Variants in MAGI2 observed in about 807,000 individuals in gnomAD.
MAGI2 encodes membrane associated guanylate kinase, WW and PDZ domain containing 2.
In MAGI2, 35 loss-of-function variants were observed where a neutral mutation model predicts 133.3. That is an observed-to-expected ratio of 0.26 (90% CI 0.20 to 0.35). The LOEUF is 0.35. Ranked by LOEUF, MAGI2 falls within the 10% of genes least tolerant of loss-of-function variation. The pLI is 1.00. For missense variants in MAGI2, 1,636 were observed against 1,863.4 expected (o/e 0.88, Z 2.25); for synonymous variants, 729 against 710.6 (o/e 1.03, Z -0.41).
chr7:79,041,717 A>T (rs995387758), intron 1 of MAGI2, among the ~76,000 whole-genome samples: 1 of 152,290 alleles, frequency 6.6e-6, no homozygotes, highest in Admixed American at 6.5e-5. Context: ...CATAATTTCA[A>T]ATGTTTCTGA....
chr7:78,943,660 A>T (rs565375971), intron 2 of MAGI2, among the ~76,000 whole-genome samples: 1 of 152,254 alleles, frequency 6.6e-6, no homozygotes, highest in Admixed American at 6.5e-5. Context: ...GACAATGTTG[A>T]GTGGAGAAAA....
chr7:79,349,703 T>C (rs1841566109), intron 1 of MAGI2, among the ~76,000 whole-genome samples: 1 of 152,062 alleles, frequency 6.6e-6, no homozygotes, highest in Admixed American at 6.6e-5. Context: ...TGCCACATCC[T>C]ACTGACCCTT....
At chr7:78,394,880 A>G (rs56242268) in intron 6 of MAGI2, among the ~76,000 whole-genome samples, 33,572 of 152,140 alleles carry the variant, frequency 0.22, 4,117 homozygotes, top group East Asian at 0.44. Context: ...TATAAAACCT[A>G]CAAGATTTCC....
intron 3 of MAGI2, among the ~76,000 whole-genome samples, chr7:78,594,624 A>G (rs922262271): frequency 7.2e-5 from 11 of 151,906 alleles, no homozygotes; most frequent in African/African-American, 2.4e-4. Flanking sequence ...TGCCCAGCTA[A>G]TTTTTGTATT....
intron 3 of MAGI2, among the ~76,000 whole-genome samples, chr7:78,624,810 T>C (rs1808160340): frequency 6.6e-6 from 1 of 152,174 alleles, no homozygotes; most frequent in African/African-American, 2.4e-5. Context: ...TACGGTTATG[T>C]ATAGCGTGTA....
intron 20 of MAGI2, among the ~76,000 whole-genome samples, chr7:78,125,465 A>T (rs1324402264): frequency 2.0e-5 from 3 of 152,234 alleles, no homozygotes; most frequent in Admixed American, 1.3e-4. Context: ...TTAGAAAAAT[A>T]GTACTTTACT....
At position 79,334,724 on chromosome 7, in the gene MAGI2, G is replaced by C. The variant is rs73704154; in HGVS notation, c.301+118296C>G. ...AGCTTAGTTGACAATTTAAATACAGGAAATATAAAAATGAAAACTACGTGA... is the reference window on the plus strand; with the variant it reads ...AGCTTAGTTGACAATTTAAATACAGCAAATATAAAAATGAAAACTACGTGA... On this transcript the variant is annotated intron_variant, in intron 1 of 21. Coordinates refer to ENST00000354212, the MANE Select transcript of MAGI2 (RefSeq NM_012301.4). 3.9e-3 allele frequency among the ~76,000 whole-genome samples: 588 copies of C among 152,146 alleles called. 5 individuals are homozygous for C. Among genetic ancestry groups the C allele is most frequent in the African/African-American group, 0.014 (574 of 41,532 alleles).
chr7:78,665,218 G>A (rs1432971734), intron 2 of MAGI2, among the ~76,000 whole-genome samples: 2 of 151,998 alleles, frequency 1.3e-5, no homozygotes, highest in African/African-American at 4.8e-5. Context: ...TTCTTGATAC[G>A]TGGTATCAAA....
intron 1 of MAGI2, among the ~76,000 whole-genome samples, chr7:79,078,988 T>C (rs1815793362): frequency 6.6e-6 from 1 of 152,152 alleles, no homozygotes; most frequent in Admixed American, 6.6e-5. Flanking sequence ...CATAGATAAA[T>C]ACATTTTTAA....
intron 6 of MAGI2, among the ~76,000 whole-genome samples, chr7:78,454,982 A>T (rs1396423967): frequency 6.6e-6 from 1 of 152,176 alleles, no homozygotes; most frequent in Non-Finnish European, 1.5e-5. Context: ...ATACTTTAAT[A>T]TTGGAAACAC....
intron 2 of MAGI2, among the ~76,000 whole-genome samples, chr7:78,841,393 T>C (rs1792130415): frequency 6.6e-6 from 1 of 152,032 alleles, no homozygotes; most frequent in African/African-American, 2.4e-5. Flanking sequence ...GCAACACTGC[T>C]TTCTTGGTTT....
chr7:78,149,072 G>A (rs1055896412), intron 16 of MAGI2, among the ~76,000 whole-genome samples: 1 of 152,106 alleles, frequency 6.6e-6, no homozygotes, highest in African/African-American at 2.4e-5. Context: ...CAACATGGTA[G>A]CTACAAGCAT....
At chr7:79,385,067 C>A (rs1281008948) in intron 1 of MAGI2, among the ~76,000 whole-genome samples, 1 of 151,668 alleles carries the variant, frequency 6.6e-6, no homozygotes, top group Admixed American at 6.6e-5. Flanking sequence ...CCATTATTTT[C>A]TTTAAAGTCT....
At position 79,259,472 on chromosome 7, in the gene MAGI2, A is replaced by C. The variant is rs140083827; in HGVS notation, c.301+193548T>G. ...TTGAGGAGGCATACCTATTATAATT[A>C]ATAATGAAGGCTTTTTGAGCCAAAG... On this transcript the variant is annotated intron_variant, in intron 1 of 21. Coordinates refer to ENST00000354212, the MANE Select transcript of MAGI2 (RefSeq NM_012301.4). Among the ~76,000 whole-genome samples the C allele has an allele frequency of 2.2e-3, 335 of 152,340 alleles. 2 individuals are homozygous for C. The highest frequency in any genetic ancestry group is 7.3e-3 in the African/African-American group (302 of 41,584).
intron 1 of MAGI2, among the ~76,000 whole-genome samples, chr7:79,286,989 A>G (rs1370623643): frequency 6.6e-6 from 1 of 152,042 alleles, no homozygotes; most frequent in Non-Finnish European, 1.5e-5. Flanking sequence ...CTATCTTGAG[A>G]TTACCCAGGA....
At chr7:78,575,144 TAAAC>T (rs77628450) in intron 3 of MAGI2, among the ~76,000 whole-genome samples, 46,776 of 151,536 alleles carry the variant, frequency 0.31, 8,753 homozygotes, top group Non-Finnish European at 0.42. Context: ...CTAAGGATAT[TAAAC>T]AAACAAACAC....
intron 6 of MAGI2, among the ~76,000 whole-genome samples, chr7:78,398,469 G>C (rs1796561503): frequency 6.6e-6 from 1 of 152,100 alleles, no homozygotes; most frequent in African/African-American, 2.4e-5. Flanking sequence ...AGGCCTTAAT[G>C]TTCCCCTCAG....
chr7:79,311,157 A>C (rs1247511419), intron 1 of MAGI2, among the ~76,000 whole-genome samples: 1 of 152,052 alleles, frequency 6.6e-6, no homozygotes, highest in African/African-American at 2.4e-5. Context: ...AATTACCCCT[A>C]TGTTGCTAAA....
At chr7:78,641,312 T>C (rs891623343) in intron 2 of MAGI2, among the ~76,000 whole-genome samples, 1 of 152,208 alleles carries the variant, frequency 6.6e-6, no homozygotes, top group East Asian at 1.9e-4. Context: ...AAACTATTCC[T>C]TTGGATTAGA....
Sources: gnomAD v4.1 joint callset for allele counts (sites outside exome capture counted in the v4.1 genomes callset) on GRCh38, gnomAD v4.1.1 for gene constraint, MANE v1.5 for transcripts, NCBI Gene and HGNC (gene_info 2026-07-23, HGNC 2026-07-21) for gene names.